PDE4D: variants seen among roughly 807,000 people sequenced by gnomAD.
PDE4D encodes 3',5'-cyclic-AMP phosphodiesterase 4D.
A neutral mutation model predicts 87.4 loss-of-function variants in PDE4D; 24 were observed. That is an observed-to-expected ratio of 0.27 (90% CI 0.20 to 0.39). The LOEUF (loss-of-function observed/expected upper bound fraction) is 0.39, where lower values mean the gene tolerates loss of function less well. PDE4D is among the 10% of genes least tolerant of loss of function. The pLI is 1.00. For synonymous variants in PDE4D, 384 were observed against 383.2 expected, an observed-to-expected ratio of 1.00 and a Z score of -0.02; for missense variants, 714 against 1,041.0, an observed-to-expected ratio of 0.69 and a Z score of 4.32.
intron 1 of PDE4D, among the ~76,000 whole-genome samples, chr5:59,528,058 A>C (rs1813483327): frequency 6.6e-6 from 1 of 152,230 alleles, no homozygotes; most frequent in South Asian, 2.1e-4. Context: ...AAAGGTAAGC[A>C]AAATTCTTTT....
chr5:59,565,421 A>C (rs1238710247), intron 1 of PDE4D, among the ~76,000 whole-genome samples: 1 of 152,296 alleles, frequency 6.6e-6, no homozygotes, highest in Middle Eastern at 3.4e-3. Flanking sequence ...TGAGAGGCTG[A>C]AGTGGGAGGA....
intron 3 of PDE4D, among the ~76,000 whole-genome samples, chr5:59,983,772 A>G (rs1762146137): frequency 6.6e-6 from 1 of 152,210 alleles, no homozygotes; most frequent in Non-Finnish European, 1.5e-5. Context: ...GTAAAAGAGT[A>G]CAACACTTTA....
intron 2 of PDE4D, among the ~76,000 whole-genome samples, chr5:60,033,638 A>C (rs1316662485): frequency 6.6e-6 from 1 of 152,166 alleles, no homozygotes; most frequent in African/African-American, 2.4e-5. Flanking sequence ...CTGAAGTGTA[A>C]ATATGCCCTT....
At chr5:59,914,540 G>C (rs202182547) in intron 3 of PDE4D, among the ~76,000 whole-genome samples, 4 of 49,556 alleles carry the variant, frequency 8.1e-5, no homozygotes, top group Admixed American at 5.5e-4. Context: ...AGATGTATGT[G>C]TGTGTGTGTG....
At chr5:59,822,443 T>A (rs1296242501) in intron 1 of PDE4D, among the ~76,000 whole-genome samples, 2 of 152,346 alleles carry the variant, frequency 1.3e-5, no homozygotes, top group Admixed American at 1.3e-4. Context: ...ATACTAGAAT[T>A]TGTTATATTT....
intron 2 of PDE4D, among the ~76,000 whole-genome samples, chr5:60,058,613 A>G (rs952300846): frequency 1.3e-5 from 2 of 152,016 alleles, no homozygotes; most frequent in Non-Finnish European, 2.9e-5. Flanking sequence ...AGCTGCTAAA[A>G]GTATTTCTAC....
intron 1 of PDE4D, among the ~76,000 whole-genome samples, chr5:59,654,777 AGACTT>A (rs1303577140): frequency 6.6e-6 from 1 of 152,008 alleles, no homozygotes; most frequent in Non-Finnish European, 1.5e-5. Flanking sequence ...AATCCACTAT[AGACTT>A]GTCTATAGTG....
intron 2 of PDE4D, among the ~76,000 whole-genome samples, chr5:60,170,768 T>C (rs999855676): frequency 3.9e-5 from 6 of 151,968 alleles, no homozygotes; most frequent in Non-Finnish European, 8.8e-5. Context: ...TAAATTACAA[T>C]AAACTCTTCA....
chr5:59,782,938 A>G (rs1020161264), intron 1 of PDE4D, among the ~76,000 whole-genome samples: 1 of 152,060 alleles, frequency 6.6e-6, no homozygotes. Context: ...CCCTTCACCC[A>G]TGCTTTGGAC....
chr5:60,190,969 C>T (rs1785153649), intron 1 of PDE4D, among the ~76,000 whole-genome samples: 1 of 152,202 alleles, frequency 6.6e-6, no homozygotes, highest in South Asian at 2.1e-4. Flanking sequence ...CCTCTACCCT[C>T]CAGGCTGGTC....
At chr5:59,903,111 C>A (rs1279776815) in intron 3 of PDE4D, among the ~76,000 whole-genome samples, 1 of 152,050 alleles carries the variant, frequency 6.6e-6, no homozygotes, top group African/African-American at 2.4e-5. Context: ...AATATCTATC[C>A]CCCACATCCT....
rs528496850 is a variant in PDE4D at position 59,409,114 on chromosome 5, C to T, written c.456-193146G>A. On this transcript the variant is annotated intron_variant, in intron 1 of 14. Coordinates refer to ENST00000340635, the MANE Select transcript of PDE4D (RefSeq NM_001104631.2). Reference sequence around the variant, plus strand: ...AGTGAGCCAAGATTGCACCATTGCACTCCAGCCTGGGTGACTAAGCGAGAC... The same window carrying T: ...AGTGAGCCAAGATTGCACCATTGCATTCCAGCCTGGGTGACTAAGCGAGAC... Among the ~76,000 whole-genome samples, 3 of 150,800 alleles carry T rather than the reference C, an allele frequency of 2.0e-5. No homozygotes were observed. In the South Asian group the frequency reaches 6.3e-4, roughly 32 times the overall value.
intron 1 of PDE4D, among the ~76,000 whole-genome samples, chr5:60,318,741 T>C (rs970230041): frequency 1.8e-4 from 28 of 152,228 alleles, no homozygotes; most frequent in African/African-American, 6.5e-4. Context: ...CCTTCACTTA[T>C]GAAGCTTAGT....
intron 5 of PDE4D, among the ~76,000 whole-genome samples, chr5:59,098,720 G>A (rs1342466356): frequency 6.9e-6 from 1 of 144,456 alleles, no homozygotes; most frequent in Non-Finnish European, 1.5e-5. Context: ...AAAAAAAAGA[G>A]GAAAGGAAAA....
intron 2 of PDE4D, among the ~76,000 whole-genome samples, chr5:60,043,976 G>C (rs1430497035): frequency 6.6e-6 from 1 of 152,108 alleles, no homozygotes; most frequent in Non-Finnish European, 1.5e-5. Context: ...TGAGATTTCT[G>C]ATGTAATTCT....
intron 1 of PDE4D, among the ~76,000 whole-genome samples, chr5:59,458,474 C>T (rs1231764729): frequency 6.6e-6 from 1 of 152,192 alleles, no homozygotes; most frequent in Non-Finnish European, 1.5e-5. Flanking sequence ...AGAGGACATA[C>T]CACTGAAACA....
chr5:60,330,534 C>G (rs997465788), intron 1 of PDE4D, among the ~76,000 whole-genome samples: 6 of 152,120 alleles, frequency 3.9e-5, no homozygotes, highest in Admixed American at 2.0e-4. Context: ...GGACAGCACA[C>G]TGACCATTCC....
At chr5:60,194,806 C>T (rs1198152786) in intron 1 of PDE4D, among the ~76,000 whole-genome samples, 1 of 151,688 alleles carries the variant, frequency 6.6e-6, no homozygotes, top group Non-Finnish European at 1.5e-5. Context: ...AATTCAGGCA[C>T]TTTCTAATGT....
At chr5:60,191,845 A>G (rs183774948) in intron 1 of PDE4D, among the ~76,000 whole-genome samples, 2 of 152,094 alleles carry the variant, frequency 1.3e-5, no homozygotes, top group South Asian at 2.1e-4. Flanking sequence ...AAAAAAAAAT[A>G]CAAAAATTAG....
Sources: allele counts gnomAD v4.1 joint callset (sites outside exome capture counted in the v4.1 genomes callset), GRCh38; gene constraint gnomAD v4.1.1; transcripts MANE v1.5; gene names NCBI Gene and HGNC (gene_info 2026-07-23, HGNC 2026-07-21).